RAD50: variants seen among roughly 807,000 people sequenced by gnomAD.
RAD50 encodes the protein RAD50 double strand break repair protein, also known as DNA repair protein RAD50.
RAD50 carries 132 observed loss-of-function variants against 168.8 expected under a neutral mutation model. That is an observed-to-expected ratio of 0.78 (90% CI 0.68 to 0.90). RAD50 has a LOEUF of 0.90. Ranked by LOEUF, RAD50 falls within the 40% of genes least tolerant of loss-of-function variation. The pLI is 0.00. For synonymous variants in RAD50, 525 were observed against 497.4 expected (o/e 1.06, Z -0.74); for missense variants, 1,347 against 1,534.4 (o/e 0.88, Z 2.04).
chr5:132,641,189 C>T (rs1169072930), intron 24 of RAD50, among the ~76,000 whole-genome samples: 1 of 152,200 alleles, frequency 6.6e-6, no homozygotes, highest in Admixed American at 6.5e-5. Context: ...GGGTTTAGGA[C>T]TGTCTCCCCA....
intron 6 of RAD50, 89 bp downstream of exon 6, chr5:132,587,779 A>T: frequency 6.3e-7 from 1 of 1,577,788 alleles, no homozygotes; most frequent in Non-Finnish European, 8.7e-7. Context: ...TCCACATTGG[A>T]AAAAAACAAA....
intron 2 of RAD50, among the ~76,000 whole-genome samples, chr5:132,564,420 G>T (rs1750173573): frequency 6.6e-6 from 1 of 152,222 alleles, no homozygotes; most frequent in Non-Finnish European, 1.5e-5. Context: ...CTAGGAATCT[G>T]TGGAACTTTG....
intron 19 of RAD50, among the ~76,000 whole-genome samples, chr5:132,614,710 T>C (rs992077985): frequency 6.6e-6 from 1 of 152,082 alleles, no homozygotes; most frequent in African/African-American, 2.4e-5. Flanking sequence ...TTATTTTTTT[T>C]CCCCAATATT....
intron 16 of RAD50, 107 bp from the exon 17 acceptor site, chr5:132,608,506 CTT>C (rs1751022523): frequency 2.1e-6 from 2 of 958,214 alleles, no homozygotes; most frequent in Non-Finnish European, 1.5e-6. Flanking sequence ...AATGAGTTGA[CTT>C]TTAGAGCCTG....
At chr5:132,571,155 G>A (rs1311208129) in intron 2 of RAD50, among the ~76,000 whole-genome samples, 1 of 152,166 alleles carries the variant, frequency 6.6e-6, no homozygotes, top group East Asian at 1.9e-4. Context: ...ACTTATCACA[G>A]ATCACTATAA....
intron 3 of RAD50, 58 bp from the exon 4 acceptor site, chr5:132,579,259 A>G (rs1014112142): frequency 6.5e-7 from 1 of 1,534,364 alleles, no homozygotes; most frequent in Non-Finnish European, 9.0e-7. Flanking sequence ...TGATTAAGCA[A>G]TAGAATAGAT....
chr5:132,638,092 A>C lies in RAD50; in HGVS notation c.3487A>C (p.Ile1163Leu), dbSNP rs1294482423. The C allele has an allele frequency of 6.2e-7, 1 of 1,614,036 alleles. No homozygotes were observed. Among genetic ancestry groups the C allele is most frequent in the Non-Finnish European group, 8.5e-7 (1 of 1,179,964 alleles). The change falls in exon 23 of 25, where the codon ATA becomes CTA. Residue 1163 changes from isoleucine (I) to leucine (L), a missense_variant. Coordinates refer to ENST00000378823, the MANE Select transcript of RAD50 (RefSeq NM_005732.4). Reference sequence around the variant, plus strand: ...TCTTCCTGTGTCAGATATTGAATACATAGAAATACGGTCTGATGCCGATGA... The same window carrying C: ...TCTTCCTGTGTCAGATATTGAATACCTAGAAATACGGTCTGATGCCGATGA... ...STYRGQDIEY[I>L]EIRSDADENV...
chr5:132,579,272 A>G (rs538206606), intron 3 of RAD50, 45 bp from the exon 4 acceptor site: 2 of 1,572,578 alleles, frequency 1.3e-6, no homozygotes, highest in East Asian at 4.5e-5. Context: ...GAATAGATAC[A>G]CTGAAGGTTA....
intron 13 of RAD50, among the ~76,000 whole-genome samples, chr5:132,596,483 A>T (rs73259671): frequency 3.5e-4 from 54 of 152,338 alleles, no homozygotes; most frequent in African/African-American, 1.3e-3. Context: ...ACAGATTTTA[A>T]ACTATGTTTT....
intron 5 of RAD50, among the ~76,000 whole-genome samples, chr5:132,582,161 G>A (rs1182775662): frequency 6.6e-6 from 1 of 152,168 alleles, no homozygotes; most frequent in Non-Finnish European, 1.5e-5. Context: ...TTGAAATGAA[G>A]CATTTATATT....
chr5:132,567,593 CTT>C (rs1037538934), intron 2 of RAD50, among the ~76,000 whole-genome samples: 1 of 152,156 alleles, frequency 6.6e-6, no homozygotes, highest in Non-Finnish European at 1.5e-5. Context: ...TCTTTTGAGT[CTT>C]TGGCCAAATA....
chr5:132,598,530 G>A (rs2149845313), intron 13 of RAD50, among the ~76,000 whole-genome samples: 1 of 152,266 alleles, frequency 6.6e-6, no homozygotes, highest in East Asian at 1.9e-4. Flanking sequence ...TGGTTCTGTG[G>A]TATGACTGGG....
At chr5:132,583,801 C>G (rs1750547953) in intron 5 of RAD50, among the ~76,000 whole-genome samples, 1 of 148,936 alleles carries the variant, frequency 6.7e-6, no homozygotes, top group Non-Finnish European at 1.5e-5. Context: ...TCAAGCAATT[C>G]TCCTACCTCA....
chr5:132,590,134 A>G (rs191631144), intron 9 of RAD50, among the ~76,000 whole-genome samples: 27 of 152,320 alleles, frequency 1.8e-4, no homozygotes, highest in Admixed American at 5.2e-4. Context: ...GTACATTCAA[A>G]ACACAACAAA....
intron 16 of RAD50, among the ~76,000 whole-genome samples, chr5:132,606,905 GA>G (rs1750995362): frequency 1.3e-5 from 2 of 152,110 alleles, no homozygotes; most frequent in South Asian, 4.1e-4. Context: ...AAAGGCCTTC[GA>G]TAAAATTCAA....
In RAD50 at chr5:132,579,317, GC is replaced by G; in HGVS notation, c.367del (p.His123MetfsTer7). 6.2e-7 allele frequency: 1 copy of G among 1,613,264 alleles called. No homozygotes were observed. The highest frequency in any genetic ancestry group is 8.5e-7 in the Non-Finnish European group (1 of 1,179,336). ...TLEGVITRTKHGEKVSLSSKC... is the reference protein window; with the variant it reads ...TLEGVITRTKXGEKVSLSSKC... ...TATTCTTGATTTTCATTTTCTGTAG[GC>G]ATGGTGAAAAGGTCAGTCTGAGCTC... is the stretch of plus-strand genomic sequence containing the variant. On this transcript the variant is annotated frameshift_variant and splice_region_variant, in exon 4 of 25. Coordinates refer to ENST00000378823, the MANE Select transcript of RAD50 (RefSeq NM_005732.4). LOFTEE classifies it high-confidence loss of function.
In RAD50 at chr5:132,576,365, A is replaced by G. The variant is rs1018263576; in HGVS notation, c.365+437A>G. ...AGAAGCAGACAAGTAGGAAAGAATG[A>G]TAAATTGTTCCTTTCAACCATTATC... On this transcript the variant is annotated intron_variant, in intron 3 of 24. Transcript: ENST00000378823. 2.6e-5 allele frequency among the ~76,000 whole-genome samples: 4 copies of G among 152,210 alleles called. 1 individual carries two copies. Among genetic ancestry groups the G allele is most frequent in the African/African-American group, 4.8e-5 (2 of 41,450 alleles).
chr5:132,588,538 G>A, intron 7 of RAD50, 149 bp from the exon 8 acceptor site: 1 of 719,898 alleles, frequency 1.4e-6, no homozygotes, highest in Non-Finnish European at 2.3e-6. Context: ...ATATTTTACT[G>A]CAGTTTTGCA....
chr5:132,599,039 A>G (rs1211673708), intron 13 of RAD50, among the ~76,000 whole-genome samples: 2 of 152,106 alleles, frequency 1.3e-5, no homozygotes, highest in Non-Finnish European at 2.9e-5. Flanking sequence ...ACATTTGTAT[A>G]TTCTATATTG....
Sources: gnomAD v4.1 joint callset for allele counts (sites outside exome capture counted in the v4.1 genomes callset) on GRCh38, gnomAD v4.1.1 for gene constraint, MANE v1.5 for transcripts, NCBI Gene and HGNC (gene_info 2026-07-23, HGNC 2026-07-21) for gene names.